CENPE: variants seen among roughly 807,000 people sequenced by gnomAD.
CENPE encodes the protein centromere-associated protein E.
In CENPE, 145 loss-of-function variants were observed where a neutral mutation model predicts 336.1. The ratio of observed to expected loss-of-function variants is 0.43; its 90% CI spans 0.38 to 0.50. CENPE has a LOEUF of 0.50. Ranked by LOEUF, CENPE falls within the 20% of genes least tolerant of loss-of-function variation. The pLI is 0.00. For synonymous variants in CENPE, 1,013 were observed against 984.8 expected, an observed-to-expected ratio of 1.03 and a Z score of -0.54; for missense variants, 2,719 against 3,023.3, an observed-to-expected ratio of 0.90 and a Z score of 2.36.
intron 18 of CENPE, among the ~76,000 whole-genome samples, chr4:103,161,763 T>C (rs2125977938): frequency 1.3e-5 from 2 of 152,258 alleles, no homozygotes; most frequent in East Asian, 3.9e-4. Context: ...TTTCTATGTA[T>C]TTTTATTTTG....
At chr4:103,185,178 G>A (rs533166289) in intron 9 of CENPE, among the ~76,000 whole-genome samples, 5 of 152,096 alleles carry the variant, frequency 3.3e-5, no homozygotes, top group Admixed American at 1.3e-4. Context: ...GATGGTGCAT[G>A]TCTGTAATCC....
chr4:103,187,699 A>G (rs1756913300), intron 8 of CENPE, among the ~76,000 whole-genome samples: 1 of 152,260 alleles, frequency 6.6e-6, no homozygotes, highest in Admixed American at 6.5e-5. Flanking sequence ...AAAACATGCC[A>G]AATTGTAAAG....
chr4:103,160,874 T>G (rs1754386336), intron 20 of CENPE, 95 bp from the exon 21 acceptor site: 2 of 1,158,846 alleles, frequency 1.7e-6, no homozygotes, highest in Non-Finnish European at 2.4e-6. Context: ...CAGGATCAGG[T>G]AAAGTTTATT....
In CENPE at chr4:103,196,314, C is replaced by G. The variant is rs955214656; in HGVS notation, c.149-62G>C. 1.6e-5 allele frequency: 19 copies of G among 1,202,502 alleles called. No homozygotes were observed. In the Admixed American group the frequency reaches 2.2e-4, roughly 14 times the overall value. The allele number at this position is 1,202,502 out of a possible 1,614,324, so 74.5% of individuals were successfully genotyped here. On this transcript the variant is annotated intron_variant, in intron 2 of 48. Coordinates refer to ENST00000265148, the MANE Select transcript of CENPE (RefSeq NM_001813.3). Reference sequence around the variant, plus strand: ...AAATCAAATGAGTCCACTGTGTTTTCATTCCAAATTAGTAATTATTCCCAA... The same window carrying G: ...AAATCAAATGAGTCCACTGTGTTTTGATTCCAAATTAGTAATTATTCCCAA...
chr4:103,154,299 T>C (rs1043821384), intron 24 of CENPE, among the ~76,000 whole-genome samples: 6 of 152,124 alleles, frequency 3.9e-5, no homozygotes, highest in African/African-American at 1.4e-4. Flanking sequence ...TTTTTTTTGT[T>C]TTTTTGTTTT....
chr4:103,143,301 T>G lies in CENPE; in HGVS notation c.5251A>C (p.Ile1751Leu). 1 of 1,607,406 alleles carries G rather than the reference T, an allele frequency of 6.2e-7. No individual in the cohort carries two copies. Among genetic ancestry groups the G allele is most frequent in the Non-Finnish European group, 8.5e-7 (1 of 1,174,674 alleles). ...TCTAAGTCCTTTTGCATATTTGATA[T>G]TTCATTTGTTTTCTCTGAAACAATC... Reference protein sequence around the residue: ...RGIVSEKTNEISNMQKDLEHS... With the variant: ...RGIVSEKTNELSNMQKDLEHS... Residue 1751 changes from isoleucine to leucine, a missense_variant, in exon 34 of 49, where the codon ATA becomes CTA. Coordinates refer to ENST00000265148, the MANE Select transcript of CENPE (RefSeq NM_001813.3).
rs548098501 is a variant in CENPE at position 103,159,179 on chromosome 4, T to C, written c.2432A>G (p.Asn811Ser). Reference sequence around the variant, plus strand: ...GAATTCTTGATCAGTGCTTTTATAATTCGACTGTGTAGTTGCTAGGTCATC... The same window carrying C: ...GAATTCTTGATCAGTGCTTTTATAACTCGACTGTGTAGTTGCTAGGTCATC... ...TKDDLATTQS[N>S]YKSTDQEFQN... Residue 811 changes from asparagine (N) to serine (S), a missense_variant, in exon 22 of 49, where the codon AAT becomes AGT. By Grantham distance (46) the Asn-to-Ser change is conservative. Coordinates refer to ENST00000265148, the MANE Select transcript of CENPE (RefSeq NM_001813.3). 3 of 1,612,646 alleles carry C rather than the reference T, an allele frequency of 1.9e-6. No homozygotes were observed. The highest frequency in any genetic ancestry group is 2.7e-5 in the African/African-American group (2 of 74,868).
chr4:103,115,858 G>C (rs889800244), intron 45 of CENPE, among the ~76,000 whole-genome samples: 5 of 151,434 alleles, frequency 3.3e-5, no homozygotes, highest in Admixed American at 6.6e-5. Flanking sequence ...AGCCTCCCAA[G>C]TAGCTGGGAC....
rs116708592 is a variant in CENPE, at chr4:103,183,008, T to C, written c.834-117A>G. 21,254 of 1,104,448 alleles carry C rather than the reference T, an allele frequency of 0.019. 303 individuals are homozygous for C. Among genetic ancestry groups the C allele is most frequent in the Non-Finnish European group, 0.023 (18,080 of 779,744 alleles). The allele number at this position is 1,104,448 out of a possible 1,614,324, so 68.4% of individuals were successfully genotyped here. A position where few individuals can be genotyped will look rare whatever the true frequency, so the allele number is the denominator to read the frequency against. ...AGAGTTTCAAAAATTAGTTTACAAG[T>C]TATATGAGGCAGATTAAAACTACTA... On this transcript the variant is annotated intron_variant, in intron 10 of 48. Transcript: ENST00000265148.
chr4:103,163,617 A>G, intron 16 of CENPE, 64 bp from the exon 17 acceptor site: 2 of 778,506 alleles, frequency 2.6e-6, no homozygotes. Context: ...GCAAAAAAAA[A>G]AAAAAAAAGA....
In CENPE at chr4:103,195,210, T is replaced by C; in HGVS notation, c.381A>G (p.Leu127=). ...TGTATATTTCCATGTAAGATACACG[T>C]AAGAGAAATTCCCTATCAGGAAACT... ...IKKFPDREFL[L]RVSYMEIYNE... Residue 127 remains leucine (L), a synonymous_variant, in exon 5 of 49, where the codon TTA becomes TTG. Coordinates refer to ENST00000265148, the MANE Select transcript of CENPE (RefSeq NM_001813.3). 1 of 1,576,236 alleles carries C rather than the reference T, an allele frequency of 6.3e-7. No individual in the cohort carries two copies. Among genetic ancestry groups the C allele is most frequent in the Non-Finnish European group, 8.6e-7 (1 of 1,167,184 alleles).
Position 103,141,183 on chromosome 4 carries a change from A to G in CENPE, c.5464-79T>C. ...AATAGTTTCTAAATTGATTAAGACA[A>G]CTGTCTACCCATGTTACTCTCACTG... On this transcript the variant is annotated intron_variant, in intron 35 of 48. Coordinates refer to ENST00000265148, the MANE Select transcript of CENPE (RefSeq NM_001813.3). 4 of 828,106 alleles carry G rather than the reference A, an allele frequency of 4.8e-6. No individual in the cohort carries two copies. The South Asian group carries it at 5.7e-5, about 12-fold the overall frequency. The allele number at this position is 828,106 out of a possible 1,614,324, so 51.3% of individuals were successfully genotyped here. A position where few individuals can be genotyped will look rare whatever the true frequency, so the allele number is the denominator to read the frequency against.
At chr4:103,188,556 A>G (rs1308707258) in intron 8 of CENPE, among the ~76,000 whole-genome samples, 12 of 152,170 alleles carry the variant, frequency 7.9e-5, no homozygotes, top group South Asian at 6.2e-4. Flanking sequence ...GGTACATAAC[A>G]AAATGAAGGC....
At chr4:103,175,364 C>T (rs997403819) in intron 15 of CENPE, among the ~76,000 whole-genome samples, 3 of 151,316 alleles carry the variant, frequency 2.0e-5, no homozygotes, top group African/African-American at 4.9e-5. Flanking sequence ...CTTTTTTACA[C>T]CAGAGATTGT....
In CENPE at chr4:103,141,027, A is replaced by T. The variant is rs1292706778; in HGVS notation, c.5541T>A (p.Ser1847=). 1 of 1,604,810 alleles carries T rather than the reference A, an allele frequency of 6.2e-7. No homozygotes were observed. The highest frequency in any genetic ancestry group is 8.5e-7 in the Non-Finnish European group (1 of 1,173,276). ...KDVNETQKKV[S]EMEQLKKQIK... is the part of the protein sequence containing the mutation. ...TTTGTTTCTTTAGTTGCTCCATTTC[A>T]GACACTTTTTTCTGTGTCTCATTGA... is the stretch of plus-strand genomic sequence containing the variant. Residue 1847 remains serine (S), a synonymous_variant, in exon 36 of 49, where the codon TCT becomes TCA. Transcript: ENST00000265148.
rs751093989 is a variant in CENPE at position 103,158,618 on chromosome 4, T to C, written c.2870A>G (p.Asn957Ser). 9 of 1,594,846 alleles carry C rather than the reference T, an allele frequency of 5.6e-6. No individual in the cohort carries two copies. In the Admixed American group the frequency reaches 1.3e-4, roughly 22 times the overall value. The part of the protein sequence containing the change: ...QLKSDIHDTV[N>S]MNIDTQEQLR... The stretch of plus-strand genomic sequence containing the variant: ...TTTAATCAATCAAAACCTTACCATG[T>C]TAACAGTATCGTGAATATCACTTTT... Residue 957 changes from asparagine to serine, a missense_variant, in exon 23 of 49, where the codon AAC (asparagine) becomes AGC (serine). Coordinates refer to ENST00000265148, the MANE Select transcript of CENPE (RefSeq NM_001813.3).
chr4:103,186,130 T>A (rs1162954575), intron 8 of CENPE, among the ~76,000 whole-genome samples: 1 of 152,198 alleles, frequency 6.6e-6, no homozygotes, highest in African/African-American at 2.4e-5. Flanking sequence ...TAATTCTTTA[T>A]AAGCTGGCAC....
intron 26 of CENPE, 146 bp downstream of exon 26, chr4:103,151,073 G>A: frequency 1.4e-6 from 1 of 689,992 alleles, no homozygotes; most frequent in Non-Finnish European, 2.4e-6. Flanking sequence ...CTCAGTGTAA[G>A]TTAAAATTGT....
Position 103,139,790 on chromosome 4 carries a change from C to G in CENPE, c.6203G>C (p.Arg2068Thr), listed in dbSNP as rs148969710. The G allele has an allele frequency of 7.5e-4, 1,198 of 1,602,584 alleles. 2 individuals carry two copies. Among genetic ancestry groups the G allele is most frequent in the Middle Eastern group, 4.2e-3 (25 of 6,008 alleles). The change falls in exon 38 of 49, where the codon AGA becomes ACA. Residue 2068 changes from arginine (R) to threonine (T), a missense_variant and splice_region_variant. By Grantham distance (71) the Arg-to-Thr change is moderately conservative. Transcript: ENST00000265148. ...CACAAAGGAAGACTCTGAACTCACTCTAGCTATCATTTCCCTTAAGGTTGC... is the reference window on the plus strand; with the variant it reads ...CACAAAGGAAGACTCTGAACTCACTGTAGCTATCATTTCCCTTAAGGTTGC... ...FIATLREMIA[R>T]DRQNHQVKPE...
Sources: gnomAD v4.1 joint callset for allele counts (sites outside exome capture counted in the v4.1 genomes callset) on GRCh38, gnomAD v4.1.1 for gene constraint, MANE v1.5 for transcripts, NCBI Gene and HGNC (gene_info 2026-07-23, HGNC 2026-07-21) for gene names.